The following ZNF394 variants were observed in gnomAD, a reference collection of about 807,000 sequenced individuals.
ZNF394 encodes zinc finger protein 394.
In ZNF394, 19 loss-of-function variants were observed where a neutral mutation model predicts 21.8. That is an observed-to-expected ratio of 0.87 (90% CI 0.61 to 1.28). ZNF394 has a LOEUF of 1.28. Ranked by LOEUF, ZNF394 falls within the 50% of genes most tolerant of loss-of-function variation. ZNF394 has a pLI of 0.00. For missense variants in ZNF394, 683 were observed against 708.6 expected (o/e 0.96, Z 0.41); for synonymous variants, 294 against 273.3 (o/e 1.08, Z -0.75).
chr7:99,499,637 C>G lies in ZNF394; in HGVS notation c.456+1G>C. On this transcript the variant is annotated splice_donor_variant, in intron 1 of 2. Transcript: ENST00000337673. LOFTEE classifies it high-confidence loss of function. ...TCCAGAACAGGCCTTTCGCTTCTCA[C>G]CTGGGATGAGGTTCCATCGAGCGCT... 6.3e-7 allele frequency: 1 copy of G among 1,585,152 alleles called. No homozygotes were observed. The highest frequency in any genetic ancestry group is 8.6e-7 in the Non-Finnish European group (1 of 1,169,488).
intron 2 of ZNF394, among the ~76,000 whole-genome samples, chr7:99,495,590 G>T (rs1313077107): frequency 1.3e-5 from 2 of 148,706 alleles, no homozygotes; most frequent in African/African-American, 5.0e-5. Context: ...CTTGCAAAGT[G>T]TTGCGATTAC....
rs1195840775 is a variant in ZNF394, at chr7:99,499,784, G to C, written c.310C>G (p.Leu104Val). Residue 104 changes from leucine (L) to valine (V), a missense_variant, in exon 1 of 3, where the codon CTG becomes GTG. This residue lies in a region of ZNF394 where 402 missense variants were observed against 373.8 expected (regional missense o/e 1.08). Transcript: ENST00000337673. ...RPELLSKEQILELLVLEQFLT... is the reference protein window; with the variant it reads ...RPELLSKEQIVELLVLEQFLT... ...AACTGCTCCAGCACCAGCAGCTCCA[G>C]GATCTGCTCCTTGGAGAGCAGCTCG... 4 of 1,614,084 alleles carry C rather than the reference G, an allele frequency of 2.5e-6. No individual in the cohort carries two copies. Among genetic ancestry groups the C allele is most frequent in the Non-Finnish European group, 3.4e-6 (4 of 1,180,040 alleles).
At position 99,494,275 on chromosome 7, in the gene ZNF394, C is replaced by T. The variant is rs548743281; in HGVS notation, c.940G>A (p.Gly314Arg). 8.7e-5 allele frequency: 141 copies of T among 1,614,206 alleles called. No individual in the cohort carries two copies. The highest frequency in any genetic ancestry group is 1.1e-4 in the Non-Finnish European group (124 of 1,180,030). ...AERPTDSEEH[G>R]NKCKQSFHMV... ...TGGAAACTTTGCTTGCACTTGTTCC[C>T]GTGTTCCTCACTGTCAGTGGGCCTC... The change falls in exon 3 of 3, where the codon GGG becomes AGG. Residue 314 changes from glycine to arginine, a missense_variant. Gly to Arg is a moderately radical substitution (Grantham distance 125). This residue lies in a region of ZNF394 where 274 missense variants were observed against 314.1 expected (regional missense o/e 0.87). Coordinates refer to ENST00000337673, the MANE Select transcript of ZNF394 (RefSeq NM_032164.4).
At position 99,498,331 on chromosome 7, in the gene ZNF394, A is replaced by G. The variant is rs1800400849; in HGVS notation, c.583+385T>C. On this transcript the variant is annotated intron_variant, in intron 2 of 2. Coordinates refer to ENST00000337673, the MANE Select transcript of ZNF394 (RefSeq NM_032164.4). ...CATGCATGGAAGTCATGAACACAAC[A>G]GTCAGCTTACTGGCTACCTCTGGAG... 2.2e-5 allele frequency: 4 copies of G among 180,878 alleles called. No individual in the cohort carries two copies. In the South Asian group the frequency reaches 3.8e-4, roughly 17 times the overall value. 11.2% of individuals were successfully genotyped at this position (180,878 alleles called of 1,614,324 possible). A position where few individuals can be genotyped will look rare whatever the true frequency, so the allele number is the denominator to read the frequency against.
Position 99,487,423 on chromosome 7 carries a change from T to C in ZNF394, n.84-460A>G, listed in dbSNP as rs752287711. 4 of 1,614,158 alleles carry C rather than the reference T, an allele frequency of 2.5e-6. No homozygotes were observed. The South Asian group carries it at 4.4e-5, about 18-fold the overall frequency. ...CTACCAATGTGTCATATGTGGAAAA[T>C]CTTTCAAGTGGCACACAAGCTTTAT... On this transcript the variant is annotated intron_variant and non_coding_transcript_variant, in intron 1 of 1. Coordinates refer to the ZNF394 transcript ENST00000462024.
In ZNF394 at chr7:99,493,829, T is replaced by C; in HGVS notation, c.1386A>G (p.Leu462=). 6.2e-7 allele frequency: 1 copy of C among 1,614,064 alleles called. No homozygotes were observed. The highest frequency in any genetic ancestry group is 8.5e-7 in the Non-Finnish European group (1 of 1,179,992). The change falls in exon 3 of 3, where the codon CTA becomes CTG. Residue 462 remains leucine (L), a synonymous_variant. Transcript: ENST00000337673. ...ACTTATAGGGTCTTTCCCCTTTATG[T>C]AGTCTCTGATGTCTAAAAAGGTTGG... ...HISNLFRHQR[L]HKGERPYKCE... is the part of the protein sequence containing the mutation.
Position 99,496,669 on chromosome 7 carries a change from C to T in ZNF394, c.584-2038G>A, listed in dbSNP as rs189588898. ...GACCTCATGATCTGCCCACCTCGGC[C>T]TCCCAAAGTGCTGAGATTTACAGGC... On this transcript the variant is annotated intron_variant, in intron 2 of 2. Coordinates refer to ENST00000337673, the MANE Select transcript of ZNF394 (RefSeq NM_032164.4). Among the ~76,000 whole-genome samples the T allele has an allele frequency of 4.7e-3, 714 of 152,218 alleles. 7 individuals are homozygous for T. The highest frequency in any genetic ancestry group is 0.016 in the African/African-American group (659 of 41,538).
intron 1 of ZNF394, chr7:99,487,554 G>C: frequency 6.6e-7 from 1 of 1,511,704 alleles, no homozygotes; most frequent in Non-Finnish European, 8.9e-7. Context: ...TGTGTATCAC[G>C]TAATTGTTTC....
chr7:99,494,489 C>A lies in ZNF394; in HGVS notation c.726G>T (p.Arg242Ser), dbSNP rs1437203501. The A allele has an allele frequency of 6.2e-7, 1 of 1,613,928 alleles. No individual in the cohort carries two copies. Among genetic ancestry groups the A allele is most frequent in the Admixed American group, 1.7e-5 (1 of 59,998 alleles). Reference protein sequence around the residue: ...FSKCGSTHEDRVEKQSGDPLP... With the variant: ...FSKCGSTHEDSVEKQSGDPLP... ...AGGGGTCTCCGGACTGCTTTTCCACCCTGTCCTCATGGGTACTGCCACACT... is the reference window on the plus strand; with the variant it reads ...AGGGGTCTCCGGACTGCTTTTCCACACTGTCCTCATGGGTACTGCCACACT... Residue 242 changes from arginine (R) to serine (S), a missense_variant, in exon 3 of 3, where the codon AGG (arginine) becomes AGT (serine). This residue lies in a region of ZNF394 where 402 missense variants were observed against 373.8 expected (regional missense o/e 1.08). Coordinates refer to ENST00000337673, the MANE Select transcript of ZNF394 (RefSeq NM_032164.4).
downstream of ZNF394, among the ~76,000 whole-genome samples, chr7:99,490,563 T>G (rs1048917480): frequency 6.6e-6 from 1 of 151,064 alleles, no homozygotes; most frequent in Non-Finnish European, 1.5e-5. Flanking sequence ...CCCAGGAAGT[T>G]GAGGCTGCAA....
At position 99,498,511 on chromosome 7, in the gene ZNF394, T is replaced by C. The variant is rs1800407170; in HGVS notation, c.583+205A>G. 8 of 550,564 alleles carry C rather than the reference T, an allele frequency of 1.5e-5. No homozygotes were observed. In the South Asian group the frequency reaches 2.0e-4, roughly 14 times the overall value. The allele number at this position is 550,564 out of a possible 1,614,324, so 34.1% of individuals were successfully genotyped here. ...TCATTATCTTTTTTTTATATAGTTT[T>C]CTGTATGTATAAAACATTAAAAATG... On this transcript the variant is annotated intron_variant, in intron 2 of 2. Coordinates refer to ENST00000337673, the MANE Select transcript of ZNF394 (RefSeq NM_032164.4).
rs1347645065 is a variant in ZNF394 at position 99,487,222 on chromosome 7, C to T, written n.84-259G>A. 2.5e-6 allele frequency: 4 copies of T among 1,614,008 alleles called. No individual in the cohort carries two copies. The highest frequency in any genetic ancestry group is 3.3e-5 in the Admixed American group (2 of 59,980). Reference sequence around the variant, plus strand: ...ATGTCATCAACAGATTCACAGTAAACCGAACACCCATAAATGCAGTGAATG... The same window carrying T: ...ATGTCATCAACAGATTCACAGTAAATCGAACACCCATAAATGCAGTGAATG... On this transcript the variant is annotated intron_variant and non_coding_transcript_variant, in intron 1 of 1. Coordinates refer to the ZNF394 transcript ENST00000462024.
At chr7:99,492,555 G>T (rs1215492021), downstream of ZNF394, among the ~76,000 whole-genome samples, 1 of 149,494 alleles carries the variant, frequency 6.7e-6, no homozygotes, top group Non-Finnish European at 1.5e-5. Context: ...CAGGAGAATT[G>T]CTTGAATCCA....
In ZNF394 at chr7:99,500,237, C is replaced by A. The variant is rs1800482294; in HGVS notation, c.-144G>T. 3 of 731,716 alleles carry A rather than the reference C, an allele frequency of 4.1e-6. No homozygotes were observed. In the South Asian group the frequency reaches 6.7e-5, roughly 16 times the overall value. 45.3% of individuals were successfully genotyped at this position (731,716 alleles called of 1,614,324 possible). On this transcript the variant is annotated 5_prime_UTR_variant, in exon 1 of 3. Transcript: ENST00000337673. The stretch of plus-strand genomic sequence containing the variant: ...CAGGCCCCTCTCCACACTCTCCTTT[C>A]CTCAGCTTTGCGCCTACAACTCTCT...
chr7:99,500,216 C>A lies in ZNF394; in HGVS notation c.-123G>T, dbSNP rs117398779. On this transcript the variant is annotated 5_prime_UTR_variant, in exon 1 of 3. Coordinates refer to ENST00000337673, the MANE Select transcript of ZNF394 (RefSeq NM_032164.4). ...AAACACCGGGCCCCACCACACCAGG[C>A]CCCTCTCCACACTCTCCTTTCCTCA... The A allele has an allele frequency of 0.014, 12,088 of 870,566 alleles. 121 individuals carry two copies. The highest frequency in any genetic ancestry group is 0.019 in the Middle Eastern group (52 of 2,788). 53.9% of individuals were successfully genotyped at this position (870,566 alleles called of 1,614,324 possible). A position where few individuals can be genotyped will look rare whatever the true frequency, so the allele number is the denominator to read the frequency against.
At chr7:99,497,118 GTGTGTATATATATATATATATA>G (rs1185816920) in intron 2 of ZNF394, among the ~76,000 whole-genome samples, 1 of 97,184 alleles carries the variant, frequency 1.0e-5, no homozygotes, top group Non-Finnish European at 1.9e-5. Flanking sequence ...GTGTGTGTGT[GTGTGTATATATATATATATATA>G]TGTATATATA....
intron 1 of ZNF394, 56 bp downstream of exon 1, chr7:99,499,582 C>T: frequency 6.8e-7 from 1 of 1,470,050 alleles, no homozygotes; most frequent in Non-Finnish European, 9.1e-7. Context: ...CGCAGAGCAC[C>T]CCTAAACGCC....
chr7:99,493,562 C>G lies in ZNF394; in HGVS notation c.1653G>C (p.Val551=). The part of the protein sequence containing the change: ...IRHQRIHQNK[V]LSAGRGGSRL ...GTGAGCCACCACGCCCAGCCGACAGCACTTTATTTTGATGAATTCTTTGGT... is the reference window on the plus strand; with the variant it reads ...GTGAGCCACCACGCCCAGCCGACAGGACTTTATTTTGATGAATTCTTTGGT... Residue 551 remains valine (V), a synonymous_variant, in exon 3 of 3, where the codon GTG becomes GTC. Coordinates refer to ENST00000337673, the MANE Select transcript of ZNF394 (RefSeq NM_032164.4). The G allele has an allele frequency of 1.2e-6, 2 of 1,612,646 alleles. No homozygotes were observed. Among genetic ancestry groups the G allele is most frequent in the Non-Finnish European group, 1.7e-6 (2 of 1,179,126 alleles).
intron 2 of ZNF394, 29 bp from the exon 3 acceptor site, chr7:99,494,660 A>G: frequency 1.3e-6 from 2 of 1,548,370 alleles, no homozygotes; most frequent in East Asian, 2.3e-5. Context: ...AATTCCTGCC[A>G]GTGCATCCCT....
Sources: gnomAD v4.1 joint callset for allele counts (sites outside exome capture counted in the v4.1 genomes callset) on GRCh38, gnomAD v4.1.1 for gene constraint, gnomAD v4.1.1 regional missense constraint, MANE v1.5 for transcripts, NCBI Gene and HGNC (gene_info 2026-07-23, HGNC 2026-07-21) for gene names.